Variants in CNTNAP2 observed in about 807,000 individuals in gnomAD.
CNTNAP2 encodes contactin associated protein 2.
Under a neutral mutation model 155.2 loss-of-function variants are expected in CNTNAP2, and 98 were observed. The observed-to-expected ratio is 0.63, with a 90% CI of 0.54 to 0.75. CNTNAP2 has a LOEUF of 0.75. Ranked by LOEUF, CNTNAP2 falls within the 30% of genes least tolerant of loss-of-function variation. CNTNAP2 has a pLI of 0.00. For synonymous variants in CNTNAP2, 651 were observed against 631.2 expected (o/e 1.03, Z -0.47); for missense variants, 1,727 against 1,688.1 (o/e 1.02, Z -0.40).
chr7:147,821,859 G>T (rs1798366776), intron 13 of CNTNAP2, among the ~76,000 whole-genome samples: 1 of 152,092 alleles, frequency 6.6e-6, no homozygotes, highest in South Asian at 2.1e-4. Context: ...ACTACTAAAA[G>T]TTATTGGAAG....
chr7:146,631,306 C>A (rs765397787), intron 1 of CNTNAP2, among the ~76,000 whole-genome samples: 7 of 152,088 alleles, frequency 4.6e-5, no homozygotes, highest in African/African-American at 1.7e-4. Flanking sequence ...CAATTGAAAT[C>A]GACCACATTG....
At chr7:146,946,938 T>C (rs904343612) in intron 3 of CNTNAP2, among the ~76,000 whole-genome samples, 1 of 152,204 alleles carries the variant, frequency 6.6e-6, no homozygotes, top group Admixed American at 6.5e-5. Context: ...AAAGCATCTT[T>C]ATAGATATTT....
At chr7:147,618,234 GA>G (rs1253864194) in intron 12 of CNTNAP2, among the ~76,000 whole-genome samples, 11 of 152,298 alleles carry the variant, frequency 7.2e-5, no homozygotes, top group Admixed American at 6.5e-4. Flanking sequence ...ACCTGCACTA[GA>G]AAGATCTAAT....
rs762155748 is a variant in CNTNAP2, at chr7:146,462,593, C to T, written c.98-311678C>T. Among the ~76,000 whole-genome samples the T allele has an allele frequency of 1.3e-5, 2 of 152,088 alleles. 1 individual carries two copies. The highest frequency in any genetic ancestry group is 1.3e-4 in the Admixed American group (2 of 15,260). Reference sequence around the variant, plus strand: ...TGGTGTGAGATGCACTCCATTAGTACGTTTTGTTTTCAGAATATCTCTTAT... The same window carrying T: ...TGGTGTGAGATGCACTCCATTAGTATGTTTTGTTTTCAGAATATCTCTTAT... On this transcript the variant is annotated intron_variant, in intron 1 of 23. Transcript: ENST00000361727.
intron 14 of CNTNAP2, among the ~76,000 whole-genome samples, chr7:147,950,163 T>C (rs1244993380): frequency 3.3e-5 from 5 of 151,664 alleles, no homozygotes; most frequent in Admixed American, 6.6e-5. Flanking sequence ...AACTACCAAG[T>C]ATAGTAAGGG....
chr7:148,140,535 T>G (rs767573067), intron 16 of CNTNAP2, among the ~76,000 whole-genome samples: 2 of 152,054 alleles, frequency 1.3e-5, no homozygotes, highest in Non-Finnish European at 2.9e-5. Flanking sequence ...GTGATTCTCT[T>G]GCCTCAGCCT....
At chr7:146,413,153 A>C (rs1268699552) in intron 1 of CNTNAP2, among the ~76,000 whole-genome samples, 1 of 152,224 alleles carries the variant, frequency 6.6e-6, no homozygotes, top group Non-Finnish European at 1.5e-5. Flanking sequence ...TAGTATTTTA[A>C]ATGAAAAAGC....
intron 13 of CNTNAP2, among the ~76,000 whole-genome samples, chr7:147,871,314 TAA>T (rs1403285501): frequency 1.3e-5 from 2 of 152,336 alleles, no homozygotes; most frequent in African/African-American, 4.8e-5. Flanking sequence ...GATTTGAACT[TAA>T]GTCTGTCTGA....
intron 1 of CNTNAP2, among the ~76,000 whole-genome samples, chr7:146,247,140 T>C (rs1799673557): frequency 6.6e-6 from 1 of 152,148 alleles, no homozygotes; most frequent in Non-Finnish European, 1.5e-5. Context: ...GGCTGTAAAG[T>C]GTCTCAGGGT....
chr7:147,922,316 C>T (rs7792732), intron 14 of CNTNAP2, among the ~76,000 whole-genome samples: 46,262 of 151,998 alleles, frequency 0.3, 7,556 homozygotes, highest in East Asian at 0.52. Context: ...CCCAACCCTG[C>T]TTATAGTATG....
intron 1 of CNTNAP2, among the ~76,000 whole-genome samples, chr7:146,443,896 T>C (rs1056209723): frequency 2.0e-5 from 3 of 152,156 alleles, no homozygotes; most frequent in Non-Finnish European, 4.4e-5. Flanking sequence ...TACATAAGTA[T>C]AGCCTGTGAA....
intron 21 of CNTNAP2, among the ~76,000 whole-genome samples, chr7:148,330,047 C>T (rs1308088692): frequency 6.6e-6 from 1 of 151,960 alleles, no homozygotes; most frequent in Non-Finnish European, 1.5e-5. Context: ...GGATGAAAGA[C>T]ATGGAAGGAA....
chr7:147,346,259 A>G (rs1008838879), intron 9 of CNTNAP2, among the ~76,000 whole-genome samples: 1 of 149,390 alleles, frequency 6.7e-6, no homozygotes, highest in Non-Finnish European at 1.5e-5. Context: ...GGTTCACGCC[A>G]TTCTCCTGCC....
chr7:148,338,814 GAGA>G (rs1420311018), intron 21 of CNTNAP2, among the ~76,000 whole-genome samples: 4 of 152,252 alleles, frequency 2.6e-5, no homozygotes, highest in African/African-American at 7.2e-5. Context: ...GAGGGAGTGA[GAGA>G]AGAAGACGGA....
chr7:146,162,017 T>C (rs1798231354), intron 1 of CNTNAP2, among the ~76,000 whole-genome samples: 1 of 152,138 alleles, frequency 6.6e-6, no homozygotes, highest in Non-Finnish European at 1.5e-5. Context: ...TAATTCAAGA[T>C]GGATTAAAGA....
intron 13 of CNTNAP2, among the ~76,000 whole-genome samples, chr7:147,757,766 G>A (rs1797234367): frequency 6.6e-6 from 1 of 152,136 alleles, no homozygotes; most frequent in Non-Finnish European, 1.5e-5. Flanking sequence ...GATGGACCAA[G>A]AGCTGGGTTC....
intron 1 of CNTNAP2, among the ~76,000 whole-genome samples, chr7:146,565,396 T>C (rs1798342260): frequency 6.6e-6 from 1 of 152,160 alleles, no homozygotes. Flanking sequence ...ATTTTTTTTT[T>C]GTTAATGTTA....
chr7:146,940,696 T>C (rs191016914), intron 3 of CNTNAP2, among the ~76,000 whole-genome samples: 4,501 of 149,046 alleles, frequency 0.03, 85 homozygotes, highest in Middle Eastern at 0.045. Context: ...TATATATATA[T>C]ACACACACAC....
At chr7:148,142,096 T>A (rs888681248) in intron 16 of CNTNAP2, among the ~76,000 whole-genome samples, 4 of 122,678 alleles carry the variant, frequency 3.3e-5, no homozygotes, top group Non-Finnish European at 5.5e-5. Context: ...TATGTCTCTG[T>A]GTGTGTGTGT....
Sources: allele counts gnomAD v4.1 joint callset (sites outside exome capture counted in the v4.1 genomes callset), GRCh38; gene constraint gnomAD v4.1.1; transcripts MANE v1.5; gene names NCBI Gene and HGNC (gene_info 2026-07-23, HGNC 2026-07-21).